Variants in GNPTG observed in about 807,000 individuals in gnomAD.
GNPTG encodes N-acetylglucosamine-1-phosphotransferase subunit gamma.
In GNPTG, 46 loss-of-function variants were observed where a neutral mutation model predicts 43.8. That is an observed-to-expected ratio of 1.05 (90% confidence interval 0.83 to 1.34). The LOEUF (loss-of-function observed/expected upper bound fraction) is 1.34, where lower values mean the gene tolerates loss of function less well. Among genes scored for constraint, GNPTG ranks in the 40% most tolerant of loss-of-function variants. The probability of loss-of-function intolerance (pLI) is 0.00; values close to 1 mark genes in which losing one functional copy is unlikely to be tolerated. For synonymous variants in GNPTG, 250 were observed against 172.8 expected, an observed-to-expected ratio of 1.45 and a Z score of -3.50; for missense variants, 549 against 411.3, an observed-to-expected ratio of 1.33 and a Z score of -2.90.
In GNPTG at chr16:1,351,939, T is replaced by A. The variant is rs2034689467; in HGVS notation, c.-27T>A. On this transcript the variant is annotated 5_prime_UTR_variant, in exon 1 of 11. Transcript: ENST00000204679. ...GTGGTCACGTGACCGTCACTTCACG[T>A]GACCGCGCGGCGGCCGCTGCGGCGC... The A allele has an allele frequency of 7.8e-7, 1 of 1,278,096 alleles. No homozygotes were observed. The highest frequency in any genetic ancestry group is 9.8e-7 in the Non-Finnish European group (1 of 1,019,250). The allele number at this position is 1,278,096 out of a possible 1,614,324, so 79.2% of individuals were successfully genotyped here. A position where few individuals can be genotyped will look rare whatever the true frequency, so the allele number is the denominator to read the frequency against.
At chr16:1,353,725 A>G (rs61688168) in intron 3 of GNPTG, among the ~76,000 whole-genome samples, 1,634 of 151,920 alleles carry the variant, frequency 0.011, 23 homozygotes, top group African/African-American at 0.037. Flanking sequence ...AAGTCTCACT[A>G]TGTTGCCCAG....
chr16:1,360,677 C>G (rs2034854122), intron 3 of GNPTG: 1 of 152,148 alleles, frequency 6.6e-6, no homozygotes, highest in African/African-American at 2.4e-5. Context: ...AGTTTCATCC[C>G]CAAACCACCC....
rs2034743833 is a variant in GNPTG at position 1,354,667 on chromosome 16, CAG to C, written c.178+2362_178+2363del. Among the ~76,000 whole-genome samples the C allele has an allele frequency of 2.7e-5, 4 of 150,868 alleles. No individual in the cohort carries two copies. The South Asian group carries it at 8.4e-4, about 32-fold the overall frequency. On this transcript the variant is annotated intron_variant, in intron 3 of 10. Transcript: ENST00000204679. Reference sequence around the variant, plus strand: ...AGTTTTCCCACCCCCATCCCCACATCAGGGCCAGTCAGGTTCACATGTGCATT... The same window carrying C: ...AGTTTTCCCACCCCCATCCCCACATCGGCCAGTCAGGTTCACATGTGCATT...
At chr16:1,355,729 C>T (rs566242890) in intron 3 of GNPTG, among the ~76,000 whole-genome samples, 2 of 142,886 alleles carry the variant, frequency 1.4e-5, no homozygotes, top group East Asian at 2.1e-4. Context: ...GCCAGCTGGG[C>T]AGGACTCTGG....
chr16:1,357,030 C>G (rs895493045), intron 3 of GNPTG, among the ~76,000 whole-genome samples: 1 of 152,170 alleles, frequency 6.6e-6, no homozygotes, highest in African/African-American at 2.4e-5. Flanking sequence ...AAAGGCTTCC[C>G]TATGTGCCTG....
chr16:1,362,572 CTGGGAGCTGGG>C (rs1417453750), intron 8 of GNPTG, 28 bp from the exon 9 acceptor site: 1 of 1,614,178 alleles, frequency 6.2e-7, no homozygotes, highest in East Asian at 2.2e-5. Context: ...GTGGGCCTGG[CTGGGAGCTGGG>C]TGCTGCCCCT....
Position 1,363,040 on chromosome 16 carries a change from C to CAA in GNPTG, c.868_869dup (p.Pro292LeufsTer43). 6.2e-7 allele frequency: 1 copy of CAA among 1,614,052 alleles called. No individual in the cohort carries two copies. Among genetic ancestry groups the CAA allele is most frequent in the Non-Finnish European group, 8.5e-7 (1 of 1,180,014 alleles). On this transcript the variant is annotated frameshift_variant, in exon 11 of 11. Transcript: ENST00000204679. LOFTEE classifies it low-confidence loss of function (END_TRUNC). The stretch of plus-strand genomic sequence containing the variant: ...ACTTGGGCCACGAGACGCCCAGAGC[C>CAA]AAGTCTCCAGAGCAGCTGCGGGGTG...
At position 1,362,752 on chromosome 16, in the gene GNPTG, T is replaced by TG. The variant is rs761243739; in HGVS notation, c.741+16dup. The TG allele has an allele frequency of 3.1e-6, 5 of 1,614,040 alleles. No homozygotes were observed. The highest frequency in any genetic ancestry group is 1.7e-5 in the Admixed American group (1 of 60,022). ...GGAAAACTGCAGGAAGGTACCGTAT[T>TG]GGGGGGAGGTGGTGGCACGCAGTAG... On this transcript the variant is annotated intron_variant, in intron 9 of 10. Transcript: ENST00000204679.
chr16:1,359,297 A>G (rs2034830774), intron 3 of GNPTG, among the ~76,000 whole-genome samples: 1 of 150,270 alleles, frequency 6.7e-6, no homozygotes, highest in Admixed American at 6.6e-5. Flanking sequence ...TATAGAGTCT[A>G]ACTCTGTAGC....
At chr16:1,361,455 T>C in intron 3 of GNPTG, 1 of 387,916 alleles carries the variant, frequency 2.6e-6, no homozygotes, top group Non-Finnish European at 4.9e-6. Flanking sequence ...CCATCCTGGC[T>C]AACGCGGTGA....
chr16:1,361,450 C>T (rs1396468265), intron 3 of GNPTG: 2 of 382,372 alleles, frequency 5.2e-6, no homozygotes, highest in Non-Finnish European at 1.0e-5. Flanking sequence ...CGAGACCATC[C>T]TGGCTAACGC....
chr16:1,354,672 C>T (rs764515641), intron 3 of GNPTG, among the ~76,000 whole-genome samples: 13 of 151,580 alleles, frequency 8.6e-5, no homozygotes, highest in Non-Finnish European at 1.8e-4. Context: ...CACATCAGGG[C>T]CAGTCAGGTT....
At chr16:1,361,598 C>G (rs1365667112) in intron 3 of GNPTG, 145 bp from the exon 4 acceptor site, 3 of 797,586 alleles carry the variant, frequency 3.8e-6, no homozygotes, top group Non-Finnish European at 6.3e-6. Context: ...GAGCCAAGAT[C>G]ATGCCACTGC....
chr16:1,355,538 C>G (rs1289745785), intron 3 of GNPTG, among the ~76,000 whole-genome samples: 8 of 152,068 alleles, frequency 5.3e-5, no homozygotes, highest in Non-Finnish European at 7.4e-5. Context: ...AGCCTCGTCC[C>G]TTGACAGCAG....
intron 3 of GNPTG, chr16:1,360,492 C>G (rs538099732): frequency 1.3e-5 from 2 of 152,108 alleles, no homozygotes; most frequent in Non-Finnish European, 2.9e-5. Flanking sequence ...GGCGTGGTGG[C>G]GGGCACGTGG....
chr16:1,357,522 C>CGCTGTGTCGCCCAGGCTGGAGT (rs553469792), intron 3 of GNPTG, among the ~76,000 whole-genome samples: 2 of 150,562 alleles, frequency 1.3e-5, no homozygotes, highest in African/African-American at 2.4e-5. Context: ...AGCCGAGTGT[C>CGCTGTGTCGCCCAGGCTGGAGT]GCTGTGTCGC....
At chr16:1,358,833 T>C (rs2034822605) in intron 3 of GNPTG, 1 of 150,754 alleles carries the variant, frequency 6.6e-6, no homozygotes, top group African/African-American at 2.4e-5. Context: ...TGATCAGTCA[T>C]GTGGGATCTT....
chr16:1,354,690 G>A (rs369101926), intron 3 of GNPTG, among the ~76,000 whole-genome samples: 1 of 151,306 alleles, frequency 6.6e-6, no homozygotes, highest in Non-Finnish European at 1.5e-5. Flanking sequence ...GTTCACATGT[G>A]CATTTGGTTC....
chr16:1,356,211 T>G (rs2034772037), intron 3 of GNPTG, among the ~76,000 whole-genome samples: 1 of 152,036 alleles, frequency 6.6e-6, no homozygotes, highest in South Asian at 2.1e-4. Context: ...AGCTGTGGCC[T>G]CGGGTGCAGG....
Sources: allele counts gnomAD v4.1 joint callset (sites outside exome capture counted in the v4.1 genomes callset), GRCh38; gene constraint gnomAD v4.1.1; transcripts MANE v1.5; gene names NCBI Gene and HGNC (gene_info 2026-07-23, HGNC 2026-07-21).